The following KRABD3 variants were observed in gnomAD, a reference collection of about 807,000 sequenced individuals.
KRABD3 encodes the protein KRAB domain-containing protein 3.
chr7:149,734,167 T>C, the KRABD3 span: 1 of 1,353,450 alleles, frequency 7.4e-7, no homozygotes, highest in Non-Finnish European at 9.9e-7. Context: ...TTACTGTTGC[T>C]GGGAGCCTCG....
At chr7:149,719,840 C>T in the KRABD3 span, among the ~76,000 whole-genome samples, 6 of 152,118 alleles carry the variant, frequency 3.9e-5, no homozygotes, top group Non-Finnish European at 2.9e-5. The surrounding 1 kb of genome is among the most constrained non-coding windows in gnomAD (Gnocchi z 5.6). Flanking sequence ...AGGTACAATT[C>T]GGTGGGGGTA....
chr7:149,730,425 TAGAG>T, the KRABD3 span: 10 of 1,587,158 alleles, frequency 6.3e-6, no homozygotes, highest in Admixed American at 1.8e-5. Context: ...TTTGTGACGT[TAGAG>T]AGGGACCGCC....
the KRABD3 span, chr7:149,734,020 C>G: frequency 6.2e-7 from 1 of 1,608,724 alleles, no homozygotes; most frequent in Admixed American, 1.7e-5. Flanking sequence ...GTGGGGAGCA[C>G]AGGGACCCGA....
chr7:149,718,982 C>T, the KRABD3 span, among the ~76,000 whole-genome samples: 1 of 152,206 alleles, frequency 6.6e-6, no homozygotes, highest in Non-Finnish European at 1.5e-5. Flanking sequence ...CTGAGCACTT[C>T]TCTAAACCCA....
At chr7:149,719,814 C>A in the KRABD3 span, 2 of 1,239,684 alleles carry the variant, frequency 1.6e-6, no homozygotes, top group Non-Finnish European at 2.2e-6. This position sits in a 1 kb window ranked among gnomAD's most constrained non-coding sequence, Gnocchi z 5.6. Flanking sequence ...TATTCTATGT[C>A]CCGGGACCGG....
At chr7:149,731,595 T>C in the KRABD3 span, 3 of 1,030,122 alleles carry the variant, frequency 2.9e-6, no homozygotes, top group African/African-American at 1.6e-5. Context: ...GAGTTTGATA[T>C]TGTTTTAGGG....
At chr7:149,731,110 CT>C in the KRABD3 span, among the ~76,000 whole-genome samples, 2 of 152,280 alleles carry the variant, frequency 1.3e-5, no homozygotes, top group Admixed American at 1.3e-4. Flanking sequence ...AGAGTACCTG[CT>C]GTCCTGGCCC....
At chr7:149,723,821 C>G in the KRABD3 span, 33 of 1,613,838 alleles carry the variant, frequency 2.0e-5, no homozygotes, top group Non-Finnish European at 2.6e-5. Flanking sequence ...GACAGGCATC[C>G]CAGTCCCTCA....
At chr7:149,722,724 G>A in the KRABD3 span, 1 of 1,539,748 alleles carries the variant, frequency 6.5e-7, no homozygotes, top group Non-Finnish European at 8.8e-7. Context: ...ATGCCTGCCA[G>A]CGCTCCCGGT....
At chr7:149,723,824 G>T in the KRABD3 span, 2 of 1,613,942 alleles carry the variant, frequency 1.2e-6, no homozygotes, top group Non-Finnish European at 8.5e-7. Context: ...AGGCATCCCA[G>T]TCCCTCAGGA....
At chr7:149,731,614 A>G in the KRABD3 span, 60 of 1,263,638 alleles carry the variant, frequency 4.7e-5, no homozygotes, top group South Asian at 7.5e-4. Context: ...GGTATGTCAG[A>G]ATGGCTCTGG....
chr7:149,715,473 G>A, the KRABD3 span: 1 of 511,214 alleles, frequency 2.0e-6, no homozygotes, highest in Non-Finnish European at 2.5e-6. Flanking sequence ...CTGCAGGTAA[G>A]GCGTTTAGAT....
the KRABD3 span, chr7:149,734,007 G>A: frequency 6.2e-7 from 1 of 1,611,006 alleles, no homozygotes; most frequent in Non-Finnish European, 8.5e-7. Flanking sequence ...GAAGAACTGT[G>A]GGGTGGGGAG....
chr7:149,715,022 A>C, the KRABD3 span: 1 of 1,228,720 alleles, frequency 8.1e-7, no homozygotes, highest in Non-Finnish European at 1.0e-6. Context: ...CCGCGCCGGA[A>C]ACCGAGGAGT....
chr7:149,722,728 TC>T, the KRABD3 span: 1 of 1,541,146 alleles, frequency 6.5e-7, no homozygotes, highest in South Asian at 1.3e-5. Flanking sequence ...CTGCCAGCGC[TC>T]CCGGTGTCCC....
At chr7:149,733,685 G>C in the KRABD3 span, 3 of 1,584,362 alleles carry the variant, frequency 1.9e-6, no homozygotes, top group South Asian at 3.5e-5. Flanking sequence ...CGCTCGCCGG[G>C]CACGTCCGCT....
At chr7:149,722,762 C>G in the KRABD3 span, 7 of 1,585,200 alleles carry the variant, frequency 4.4e-6, no homozygotes, top group Non-Finnish European at 6.0e-6. Flanking sequence ...CTGACCCAGG[C>G]CCACCTTGCA....
chr7:149,721,514 C>T, the KRABD3 span: 2 of 1,611,970 alleles, frequency 1.2e-6, no homozygotes. Context: ...TGACGGGGTC[C>T]AGGGAAGTCC....
At chr7:149,734,241 C>A in the KRABD3 span, 1 of 662,358 alleles carries the variant, frequency 1.5e-6, no homozygotes, top group Non-Finnish European at 2.5e-6. Flanking sequence ...TGTGGGGGTG[C>A]CTTCCTCAGC....
Sources: allele counts gnomAD v4.1 joint callset (sites outside exome capture counted in the v4.1 genomes callset), GRCh38; gene constraint gnomAD v4.1.1; non-coding constraint Gnocchi (gnomAD v3.1); transcripts MANE v1.5; gene names NCBI Gene and HGNC (gene_info 2026-07-23, HGNC 2026-07-21).